COL21A1: variants seen among roughly 807,000 people sequenced by gnomAD.
COL21A1 encodes collagen alpha-1(XXI) chain.
In COL21A1, 149 loss-of-function variants were observed where a neutral mutation model predicts 137.9. The observed-to-expected ratio is 1.08, with a 90% CI of 0.95 to 1.24. The LOEUF (loss-of-function observed/expected upper bound fraction) is 1.24, where lower values mean the gene tolerates loss of function less well. Among genes scored for constraint, COL21A1 ranks in the 50% most tolerant of loss-of-function variants. COL21A1 has a pLI of 0.00. For missense variants in COL21A1, 1,167 were observed against 1,158.4 expected (o/e 1.01, Z -0.11); for synonymous variants, 456 against 391.5 (o/e 1.16, Z -1.95).
chr6:56,114,513 G>GACACTA (rs1391332617), intron 16 of COL21A1, among the ~76,000 whole-genome samples: 1 of 152,080 alleles, frequency 6.6e-6, no homozygotes, highest in Non-Finnish European at 1.5e-5. Context: ...GTGGGCGAAG[G>GACACTA]ACATGAACAG....
At chr6:56,065,989 G>T (rs564592955) in intron 23 of COL21A1, among the ~76,000 whole-genome samples, 18 of 152,050 alleles carry the variant, frequency 1.2e-4, no homozygotes, top group Non-Finnish European at 2.2e-4. Context: ...TCAAGTTCAA[G>T]AGATATTTAG....
At chr6:56,155,018 G>T (rs945048686) in intron 10 of COL21A1, among the ~76,000 whole-genome samples, 3 of 151,972 alleles carry the variant, frequency 2.0e-5, no homozygotes, top group African/African-American at 7.3e-5. Context: ...CATCACCCAG[G>T]TATTAAGCCT....
intron 1 of COL21A1, among the ~76,000 whole-genome samples, chr6:56,293,511 A>G (rs996121253): frequency 2.6e-5 from 4 of 152,158 alleles, no homozygotes; most frequent in Non-Finnish European, 4.4e-5. Flanking sequence ...TTTACTATGT[A>G]GAAACTAGAA....
At chr6:56,173,177 C>A (rs949362117) in intron 3 of COL21A1, among the ~76,000 whole-genome samples, 13 of 152,082 alleles carry the variant, frequency 8.5e-5, no homozygotes, top group African/African-American at 2.6e-4. Context: ...CATGGCAAAA[C>A]CCCATCTCTA....
At chr6:56,060,281 T>C (rs1765685406) in intron 27 of COL21A1, 63 bp from the exon 28 acceptor site, 12 of 1,356,042 alleles carry the variant, frequency 8.8e-6, no homozygotes, top group Middle Eastern at 2.5e-4. Context: ...TAATTATATT[T>C]TTAATTTTTT....
rs192201982 is a variant in COL21A1, at chr6:56,103,484, G to C, written c.1759-1959C>G. Among the ~76,000 whole-genome samples, 83 of 152,246 alleles carry C rather than the reference G, an allele frequency of 5.5e-4. 2 individuals are homozygous for C. The East Asian group carries it at 0.014, about 25-fold the overall frequency. On this transcript the variant is annotated intron_variant, in intron 16 of 29. Transcript: ENST00000244728. ...GTAATTGCAGTTTTTGCCATTAAAA[G>C]TAATGGCAAAATACATGATTAGATG...
intron 20 of COL21A1, among the ~76,000 whole-genome samples, chr6:56,072,587 T>C (rs901175255): frequency 3.3e-5 from 5 of 151,438 alleles, no homozygotes; most frequent in African/African-American, 1.2e-4. Flanking sequence ...CTATGATCCA[T>C]GGGTTAAATC....
chr6:56,267,747 A>T (rs1168976467), intron 1 of COL21A1, among the ~76,000 whole-genome samples: 1 of 58,996 alleles, frequency 1.7e-5, no homozygotes, highest in Non-Finnish European at 3.2e-5. Context: ...ACAGAGCAAG[A>T]CTCTGTTAAA....
At position 56,125,624 on chromosome 6, in the gene COL21A1, A is replaced by C; in HGVS notation, c.1597-4T>G. ...CTCCTTTGGCACCCATTTCACCCTA[A>C]AAGACAAAATATAAATAGTGAATAT... On this transcript the variant is annotated splice_polypyrimidine_tract_variant and splice_region_variant and intron_variant, in intron 13 of 29. Transcript: ENST00000244728. The C allele has an allele frequency of 6.4e-7, 1 of 1,562,968 alleles. No individual in the cohort carries two copies. The highest frequency in any genetic ancestry group is 1.2e-5 in the South Asian group (1 of 83,100).
chr6:56,190,891 C>G (rs761852333), intron 1 of COL21A1, among the ~76,000 whole-genome samples: 1 of 152,108 alleles, frequency 6.6e-6, no homozygotes, highest in South Asian at 2.1e-4. Context: ...ATTCAACACC[C>G]CTTCATGCTA....
chr6:56,078,305 T>C (rs918946454), intron 17 of COL21A1: 1 of 441,030 alleles, frequency 2.3e-6, no homozygotes, highest in African/African-American at 2.0e-5. Context: ...TTACCCAACA[T>C]GATCATTTAT....
At chr6:56,087,107 T>C (rs116459170) in intron 17 of COL21A1, among the ~76,000 whole-genome samples, 2,239 of 134,070 alleles carry the variant, frequency 0.017, 12 homozygotes, top group Non-Finnish European at 0.026. Flanking sequence ...TTTTGTTTTG[T>C]TTTGCCATAT....
At chr6:56,326,467 G>C (rs890985635) in intron 1 of COL21A1, among the ~76,000 whole-genome samples, 1 of 151,786 alleles carries the variant, frequency 6.6e-6, no homozygotes, top group South Asian at 2.1e-4. Flanking sequence ...CATACCCATT[G>C]TTTCTGTCTT....
At chr6:56,077,949 A>G in intron 17 of COL21A1, 1 of 396,082 alleles carries the variant, frequency 2.5e-6, no homozygotes, top group Non-Finnish European at 4.9e-6. Flanking sequence ...ATTTAGCGCA[A>G]CAGTTCCACA....
intron 1 of COL21A1, among the ~76,000 whole-genome samples, chr6:56,300,791 T>A (rs1304378087): frequency 3.9e-5 from 6 of 152,170 alleles, no homozygotes; most frequent in African/African-American, 1.4e-4. Flanking sequence ...TGCTCTAAAA[T>A]CTATTTTATT....
intron 1 of COL21A1, among the ~76,000 whole-genome samples, chr6:56,300,744 T>G (rs755032320): frequency 2.7e-4 from 41 of 152,258 alleles, no homozygotes; most frequent in Non-Finnish European, 5.6e-4. Context: ...GAGGGTACAA[T>G]TATTCAGTCT....
At chr6:56,296,485 T>C (rs143821281) in intron 1 of COL21A1, among the ~76,000 whole-genome samples, 1 of 152,142 alleles carries the variant, frequency 6.6e-6, no homozygotes, top group Non-Finnish European at 1.5e-5. Context: ...TCTATAATGA[T>C]ACGTTTAAAG....
chr6:56,377,346 C>A (rs1324739284), intron 1 of COL21A1, among the ~76,000 whole-genome samples: 2 of 151,950 alleles, frequency 1.3e-5, no homozygotes, highest in Non-Finnish European at 2.9e-5. Context: ...ATTCCCCACT[C>A]CCCTCTCCCC....
At chr6:56,352,735 G>A (rs1765738963) in intron 1 of COL21A1, among the ~76,000 whole-genome samples, 1 of 152,024 alleles carries the variant, frequency 6.6e-6, no homozygotes, top group Non-Finnish European at 1.5e-5. Context: ...AAGAACTCAA[G>A]AGTCTTACAG....
Sources: allele counts gnomAD v4.1 joint callset (sites outside exome capture counted in the v4.1 genomes callset), GRCh38; gene constraint gnomAD v4.1.1; transcripts MANE v1.5; gene names NCBI Gene and HGNC (gene_info 2026-07-23, HGNC 2026-07-21).